ABR: variants seen among roughly 807,000 people sequenced by gnomAD.
ABR encodes ABR activator of RhoGEF and GTPase.
In ABR, 35 loss-of-function variants were observed where a neutral mutation model predicts 107.2. The observed-to-expected ratio is 0.33, with a 90% CI of 0.25 to 0.43. The LOEUF (loss-of-function observed/expected upper bound fraction) is 0.43. Among genes scored for constraint, ABR ranks in the 20% least tolerant of loss-of-function variants. The probability of loss-of-function intolerance (pLI) is 1.00; values close to 1 mark genes in which losing one functional copy is unlikely to be tolerated. For missense variants in ABR, 815 were observed against 1,115.2 expected (o/e 0.73, Z 3.83); for synonymous variants, 498 against 462.0 (o/e 1.08, Z -1.00).
intron 5 of ABR, among the ~76,000 whole-genome samples, 174 bp from the exon 6 acceptor site, chr17:1,079,564 G>A (rs1420247215): frequency 1.3e-5 from 2 of 152,028 alleles, no homozygotes; most frequent in Non-Finnish European, 2.9e-5. Flanking sequence ...CGTGGTGGGC[G>A]GATCACCTGA....
intron 16 of ABR, among the ~76,000 whole-genome samples, chr17:1,014,358 G>A (rs1269261507): frequency 1.5e-5 from 2 of 131,814 alleles, no homozygotes; most frequent in East Asian, 2.5e-4. Flanking sequence ...GGAGAATAGC[G>A]TGAACCCGGG....
chr17:1,005,188 T>C lies in ABR; in HGVS notation c.*892A>G, dbSNP rs955426404. On this transcript the variant is annotated 3_prime_UTR_variant, in exon 23 of 23. Transcript: ENST00000302538. ...TCTCCTGACCCTCTGGCTATCTCGATAGCAGGTCACCTGTGAGTCTTTACA... is the reference window on the plus strand; with the variant it reads ...TCTCCTGACCCTCTGGCTATCTCGACAGCAGGTCACCTGTGAGTCTTTACA... 5.3e-5 allele frequency: 21 copies of C among 398,598 alleles called. No individual in the cohort carries two copies. Among genetic ancestry groups the C allele is most frequent in the Middle Eastern group, 6.2e-4 (1 of 1,610 alleles). 24.7% of individuals were successfully genotyped at this position (398,598 alleles called of 1,614,324 possible).
At position 1,100,685 on chromosome 17, in the gene ABR, G is replaced by C; in HGVS notation, c.297C>G (p.Phe99Leu). ...LEMRKLVLSG[F>L]LASEEIYINQ... Reference sequence around the variant, plus strand: ...TAATGTAGATCTCTTCGCTGGCCAAGAACCCCGAGAGAACCAGCTTCCTCA... The same window carrying C: ...TAATGTAGATCTCTTCGCTGGCCAACAACCCCGAGAGAACCAGCTTCCTCA... The change falls in exon 3 of 23, where the codon TTC becomes TTG. Residue 99 changes from phenylalanine (F) to leucine (L), a missense_variant. Physicochemically the swap from Phe to Leu is conservative, Grantham distance 22 (BLOSUM62 0). Around this residue, in one of 5 missense-constraint regions of ABR, gnomAD observed 385 missense variants for 596.9 expected, o/e 0.64. Transcript: ENST00000302538. 1 of 1,613,666 alleles carries C rather than the reference G, an allele frequency of 6.2e-7. No individual in the cohort carries two copies. Among genetic ancestry groups the C allele is most frequent in the Non-Finnish European group, 8.5e-7 (1 of 1,179,922 alleles).
chr17:1,006,621 G>A (rs2070058548), intron 22 of ABR, among the ~76,000 whole-genome samples: 1 of 152,176 alleles, frequency 6.6e-6, no homozygotes, highest in Non-Finnish European at 1.5e-5. Flanking sequence ...AGGGGCAGAA[G>A]TGTCTACAGT....
At chr17:1,160,022 T>G (rs1266515904) in intron 1 of ABR, among the ~76,000 whole-genome samples, 1 of 152,028 alleles carries the variant, frequency 6.6e-6, no homozygotes, top group African/African-American at 2.4e-5. Context: ...AACAGGTCCC[T>G]TGGGGCTGAG....
Position 1,039,856 on chromosome 17 carries a change from C to T in ABR, c.1791+10194G>A, listed in dbSNP as rs570535285. Among the ~76,000 whole-genome samples, 387 of 152,252 alleles carry T rather than the reference C, an allele frequency of 2.5e-3. 2 individuals are homozygous for T. The highest frequency in any genetic ancestry group is 8.1e-3 in the African/African-American group (335 of 41,556). On this transcript the variant is annotated intron_variant, in intron 16 of 22. Coordinates refer to ENST00000302538, the MANE Select transcript of ABR (RefSeq NM_021962.5). ...GCCTGACATGCACTCCTGGCCTTGG[C>T]GGGCGCCGACGCGGGCTGATCTTCC...
At chr17:1,125,397 G>T (rs2039548728) in intron 1 of ABR, 30 bp from the exon 2 acceptor site, 2 of 1,608,866 alleles carry the variant, frequency 1.2e-6, no homozygotes, top group Non-Finnish European at 8.5e-7. Flanking sequence ...AGGCCACTGA[G>T]AATCCTCCAC....
At chr17:1,143,946 T>C (rs1204048633) in intron 1 of ABR, among the ~76,000 whole-genome samples, 3 of 152,050 alleles carry the variant, frequency 2.0e-5, no homozygotes, top group African/African-American at 7.2e-5. Flanking sequence ...ACGGCCAGGA[T>C]CTCATTTCAT....
At chr17:1,074,078 G>A (rs868182362) in intron 6 of ABR, among the ~76,000 whole-genome samples, 541 of 114,850 alleles carry the variant, frequency 4.7e-3, no homozygotes, top group Middle Eastern at 0.012. Flanking sequence ...CCACACGCAG[G>A]ACCCCAGAAT....
At position 1,011,919 on chromosome 17, in the gene ABR, G is replaced by C; in HGVS notation, c.2028C>G (p.Ile676Met). Residue 676 changes from isoleucine to methionine, a missense_variant, in exon 19 of 23, where the codon ATC (isoleucine) becomes ATG (methionine). Ile to Met is a conservative substitution (Grantham distance 10). Around this residue, in one of 5 missense-constraint regions of ABR, gnomAD observed 175 missense variants for 284.3 expected, o/e 0.62. Coordinates refer to ENST00000302538, the MANE Select transcript of ABR (RefSeq NM_021962.5). The surrounding 1 kb of genome is among the most constrained non-coding windows in gnomAD (Gnocchi z 4.8). ...QCVEEVEKRG[I>M]EEVGIYRISG... ...ATATCCTGTAGATGCCAACCTCCTC[G>C]ATACCCCTCTTCTCCACCTCCTCCA... is the stretch of plus-strand genomic sequence containing the variant. 3 of 1,612,480 alleles carry C rather than the reference G, an allele frequency of 1.9e-6. No homozygotes were observed. Among genetic ancestry groups the C allele is most frequent in the African/African-American group, 1.3e-5 (1 of 74,982 alleles).
rs1323112339 is a variant in ABR, at chr17:1,071,333, C to T, written c.895-1243G>A. On this transcript the variant is annotated intron_variant, in intron 8 of 22. Transcript: ENST00000302538. The surrounding 1 kb of genome is among the most constrained non-coding windows in gnomAD (Gnocchi z 5.1). ...GACACTGTCCAGGCCTGTCCCTCACCACTTTCTCCCCAGGAGACCCTGGGG... is the reference window on the plus strand; with the variant it reads ...GACACTGTCCAGGCCTGTCCCTCACTACTTTCTCCCCAGGAGACCCTGGGG... 6.6e-6 allele frequency among the ~76,000 whole-genome samples: 1 copy of T among 152,192 alleles called. No homozygotes were observed. The highest frequency in any genetic ancestry group is 1.5e-5 in the Non-Finnish European group (1 of 68,020).
chr17:1,028,148 T>C (rs1042850123), intron 16 of ABR, among the ~76,000 whole-genome samples: 1 of 152,046 alleles, frequency 6.6e-6, no homozygotes, highest in African/African-American at 2.4e-5. Context: ...TGGAGTGCAG[T>C]GGCATGATCT....
chr17:1,151,373 G>A (rs2151531171), intron 1 of ABR, among the ~76,000 whole-genome samples: 1 of 152,176 alleles, frequency 6.6e-6, no homozygotes, highest in East Asian at 1.9e-4. Flanking sequence ...CTAATCCCTA[G>A]AGGGCCCCAA....
chr17:1,058,136 CTTTTT>C (rs71148422), intron 11 of ABR, 91 bp from the exon 12 acceptor site: 65 of 317,988 alleles, frequency 2.0e-4, no homozygotes, highest in South Asian at 2.7e-4. Flanking sequence ...CTCCTTTTAT[CTTTTT>C]TTTTTTTTTT....
intron 1 of ABR, among the ~76,000 whole-genome samples, chr17:1,198,360 G>A (rs910880137): frequency 5.9e-5 from 9 of 151,620 alleles, no homozygotes; most frequent in African/African-American, 2.0e-4. Flanking sequence ...CAAAAAGGAA[G>A]AGGTTCTGTC....
At chr17:1,145,188 G>A (rs1308691172) in intron 1 of ABR, among the ~76,000 whole-genome samples, 1 of 152,104 alleles carries the variant, frequency 6.6e-6, no homozygotes, top group Non-Finnish European at 1.5e-5. Flanking sequence ...CAGGACTCAC[G>A]CAGAGCCAAT....
At chr17:1,142,435 A>G (rs1192058954) in intron 1 of ABR, among the ~76,000 whole-genome samples, 2 of 152,028 alleles carry the variant, frequency 1.3e-5, no homozygotes, top group Non-Finnish European at 1.5e-5. Flanking sequence ...AAATATAAAA[A>G]TTAGCCGGGT....
At chr17:1,026,013 T>C (rs997017202) in intron 16 of ABR, among the ~76,000 whole-genome samples, 5 of 152,344 alleles carry the variant, frequency 3.3e-5, no homozygotes. Flanking sequence ...TGCTCCCGTG[T>C]CCACTGAATG....
At chr17:1,082,174 C>T (rs1479421345) in intron 5 of ABR, among the ~76,000 whole-genome samples, 1 of 152,180 alleles carries the variant, frequency 6.6e-6, no homozygotes, top group African/African-American at 2.4e-5. Context: ...ACTGCAGAAG[C>T]TTCTCCCCTT....
Sources: gnomAD v4.1 joint callset for allele counts (sites outside exome capture counted in the v4.1 genomes callset) on GRCh38, gnomAD v4.1.1 for gene constraint, gnomAD v4.1.1 regional missense constraint, Gnocchi (gnomAD v3.1) non-coding constraint, MANE v1.5 for transcripts, NCBI Gene and HGNC (gene_info 2026-07-23, HGNC 2026-07-21) for gene names.